The following ACKR2 variants were observed in gnomAD, a reference collection of about 807,000 sequenced individuals.
The protein encoded by ACKR2 is C-C chemokine receptor D6.
For synonymous variants in ACKR2, 207 were observed against 192.2 expected, an observed-to-expected ratio of 1.08 and a Z score of -0.64; for missense variants, 457 against 477.3, an observed-to-expected ratio of 0.96 and a Z score of 0.40.
At chr3:42,843,703 C>T (rs1019568375) in intron 2 of ACKR2, among the ~76,000 whole-genome samples, 1 of 152,134 alleles carries the variant, frequency 6.6e-6, no homozygotes, top group Non-Finnish European at 1.5e-5. Context: ...CTGATTTAGC[C>T]AAAGTGTTCC....
intron 1 of ACKR2, among the ~76,000 whole-genome samples, chr3:42,813,820 G>A (rs565636155): frequency 6.6e-6 from 1 of 152,266 alleles, no homozygotes; most frequent in East Asian, 1.9e-4. Flanking sequence ...GTTGTATTTT[G>A]TTTTTCAAGC....
chr3:42,838,357 A>C (rs1301003080), intron 2 of ACKR2, among the ~76,000 whole-genome samples: 4 of 152,224 alleles, frequency 2.6e-5, no homozygotes, highest in African/African-American at 9.6e-5. Context: ...GAAAACACAC[A>C]GCCCAATTTT....
At chr3:42,811,148 C>T (rs1700690440) in intron 1 of ACKR2, among the ~76,000 whole-genome samples, 1 of 151,886 alleles carries the variant, frequency 6.6e-6, no homozygotes, top group Admixed American at 6.6e-5. Flanking sequence ...CAGTGGCAGG[C>T]CCTCATTTCC....
Position 42,864,620 on chromosome 3 carries a change from G to A in ACKR2, c.118G>A (p.Ala40Thr). 6.2e-7 allele frequency: 1 copy of A among 1,614,208 alleles called. No individual in the cohort carries two copies. The highest frequency in any genetic ancestry group is 8.5e-7 in the Non-Finnish European group (1 of 1,180,036). The change falls in exon 3 of 3, where the codon GCA (alanine) becomes ACA (threonine). Residue 40 changes from alanine to threonine, a missense_variant. Transcript: ENST00000422265. ...EVAFMLCRKD[A>T]VVSFGKVFLP... ...GGCCTTCATGCTCTGCAGGAAGGAT[G>A]CAGTGGTGTCCTTTGGCAAAGTCTT... is the stretch of plus-strand genomic sequence containing the variant.
intron 2 of ACKR2, among the ~76,000 whole-genome samples, chr3:42,830,474 G>C (rs544697033): frequency 6.6e-6 from 1 of 152,134 alleles, no homozygotes; most frequent in African/African-American, 2.4e-5. Flanking sequence ...CCCTAAAAGT[G>C]GCAAAATCTT....
chr3:42,845,622 C>T (rs573614577), intron 2 of ACKR2, among the ~76,000 whole-genome samples: 34 of 152,182 alleles, frequency 2.2e-4, no homozygotes, highest in African/African-American at 5.5e-4. Context: ...CCTCAGCCTC[C>T]GACTGACATT....
At chr3:42,844,641 C>T (rs763059769) in intron 2 of ACKR2, among the ~76,000 whole-genome samples, 9 of 152,208 alleles carry the variant, frequency 5.9e-5, no homozygotes, top group Non-Finnish European at 1.3e-4. Flanking sequence ...GTGCCTGCTA[C>T]AGGAGCTCTG....
chr3:42,839,760 T>A (rs376059505), intron 2 of ACKR2, among the ~76,000 whole-genome samples: 1 of 152,138 alleles, frequency 6.6e-6, no homozygotes, highest in Non-Finnish European at 1.5e-5. Flanking sequence ...GAGAGGATGA[T>A]CGGATGCTCC....
intron 2 of ACKR2, among the ~76,000 whole-genome samples, chr3:42,830,074 C>T (rs187209832): frequency 6.6e-6 from 1 of 152,284 alleles, no homozygotes; most frequent in Admixed American, 6.5e-5. Flanking sequence ...TCAAATACCC[C>T]TTATAACAGG....
intron 2 of ACKR2, among the ~76,000 whole-genome samples, chr3:42,856,821 C>G (rs2088326087): frequency 1.3e-5 from 2 of 151,462 alleles, no homozygotes; most frequent in African/African-American, 4.8e-5. Context: ...CTTCCTCTCT[C>G]CTCCTCAAGC....
At chr3:42,862,832 T>C (rs1233250582) in intron 2 of ACKR2, among the ~76,000 whole-genome samples, 1 of 152,184 alleles carries the variant, frequency 6.6e-6, no homozygotes, top group Non-Finnish European at 1.5e-5. Flanking sequence ...ACTGGACCCA[T>C]TCCTTACACC....
intron 2 of ACKR2, among the ~76,000 whole-genome samples, chr3:42,861,336 A>G (rs767399753): frequency 4.6e-5 from 7 of 152,248 alleles, no homozygotes; most frequent in African/African-American, 7.2e-5. Flanking sequence ...CCCTGAATAG[A>G]TCATTCACAA....
intron 2 of ACKR2, among the ~76,000 whole-genome samples, chr3:42,824,223 A>G (rs1288585264): frequency 6.6e-6 from 1 of 152,184 alleles, no homozygotes; most frequent in Non-Finnish European, 1.5e-5. Flanking sequence ...TATAATGTAA[A>G]TGCTATGTAA....
rs144905810 is a variant in ACKR2 at position 42,865,372 on chromosome 3, A to G, written c.870A>G (p.Leu290=). The stretch of plus-strand genomic sequence containing the variant: ...GGAACTGTGAGGTCAGCCAGCATCT[A>G]GACTACGCACTCCAGGTAACAGAGA... ...VFGNCEVSQH[L]DYALQVTESI... is the part of the protein sequence containing the mutation. The change falls in exon 3 of 3, where the codon CTA becomes CTG. Residue 290 remains leucine, a synonymous_variant. Transcript: ENST00000422265. 1.1e-3 allele frequency: 1,780 copies of G among 1,614,070 alleles called. 3 individuals carry two copies. Among genetic ancestry groups the G allele is most frequent in the Non-Finnish European group, 1.4e-3 (1,674 of 1,180,036 alleles).
chr3:42,816,794 G>GT (rs1249916591), intron 1 of ACKR2, among the ~76,000 whole-genome samples: 1 of 152,004 alleles, frequency 6.6e-6, no homozygotes, highest in African/African-American at 2.4e-5. Flanking sequence ...CTTACCTCAG[G>GT]TGATCTGCCC....
chr3:42,848,568 A>C (rs1163817062), intron 2 of ACKR2, among the ~76,000 whole-genome samples: 1 of 152,228 alleles, frequency 6.6e-6, no homozygotes, highest in Non-Finnish European at 1.5e-5. Flanking sequence ...AAAGAATTCT[A>C]ATTAATATAT....
At chr3:42,835,881 T>TC (rs1467666657) in intron 2 of ACKR2, 1 of 152,314 alleles carries the variant, frequency 6.6e-6, no homozygotes. Flanking sequence ...CCCAGGTCCC[T>TC]CCTTCCTCCT....
intron 2 of ACKR2, among the ~76,000 whole-genome samples, chr3:42,831,189 G>A (rs977538305): frequency 2.6e-5 from 4 of 152,130 alleles, no homozygotes; most frequent in African/African-American, 4.8e-5. Flanking sequence ...GGTGAAATCC[G>A]AGACTGCCAC....
chr3:42,860,131 G>A (rs1407524088), intron 2 of ACKR2, among the ~76,000 whole-genome samples: 4 of 99,078 alleles, frequency 4.0e-5, no homozygotes, highest in Non-Finnish European at 7.7e-5. Flanking sequence ...CAAAATAAAG[G>A]GATGGAGGAA....
Sources: allele counts gnomAD v4.1 joint callset (sites outside exome capture counted in the v4.1 genomes callset), GRCh38; gene constraint gnomAD v4.1.1; transcripts MANE v1.5; gene names NCBI Gene and HGNC (gene_info 2026-07-23, HGNC 2026-07-21).